Variants in EPC2 observed in about 807,000 individuals in gnomAD.
EPC2 encodes the protein enhancer of polycomb homolog 2.
In EPC2, 14 loss-of-function variants were observed where a neutral mutation model predicts 92.1. That is an observed-to-expected ratio of 0.15 (90% CI 0.10 to 0.24). The LOEUF is 0.24. Among genes scored for constraint, EPC2 ranks in the 10% least tolerant of loss-of-function variants. The pLI is 1.00. For synonymous variants in EPC2, 340 were observed against 334.7 expected, an observed-to-expected ratio of 1.02 and a Z score of -0.17; for missense variants, 755 against 971.5, an observed-to-expected ratio of 0.78 and a Z score of 2.96.
At chr2:148,781,828 T>G (rs765487982) in intron 11 of EPC2, 48 bp downstream of exon 11, 1 of 1,606,146 alleles carries the variant, frequency 6.2e-7, no homozygotes, top group African/African-American at 1.3e-5. Context: ...TTCATCATTA[T>G]GTAGTTTTAT....
chr2:148,645,261 C>A, intron 1 of EPC2, 91 bp downstream of exon 1: 1 of 1,132,280 alleles, frequency 8.8e-7, no homozygotes, highest in South Asian at 1.6e-5. Context: ...GCTTTACGCT[C>A]GCTGGAGGGC....
At chr2:148,701,261 T>C (rs1681881431) in intron 2 of EPC2, among the ~76,000 whole-genome samples, 1 of 152,214 alleles carries the variant, frequency 6.6e-6, no homozygotes, top group Non-Finnish European at 1.5e-5. Context: ...TTTCCTTTTC[T>C]TGTCTTATTG....
chr2:148,752,026 G>A (rs1683090273), intron 3 of EPC2, among the ~76,000 whole-genome samples: 1 of 152,138 alleles, frequency 6.6e-6, no homozygotes, highest in African/African-American at 2.4e-5. Context: ...GTAAGCTGGA[G>A]CAAGAAGCAC....
intron 1 of EPC2, among the ~76,000 whole-genome samples, chr2:148,663,110 C>G (rs1053263240): frequency 4.6e-5 from 7 of 151,004 alleles, no homozygotes; most frequent in Admixed American, 4.6e-4. Flanking sequence ...GCAGCACACT[C>G]TTGTGGGAAA....
chr2:148,771,204 C>T lies in EPC2; in HGVS notation c.1537C>T (p.Leu513Phe). 2 of 1,613,950 alleles carry T rather than the reference C, an allele frequency of 1.2e-6. No homozygotes were observed. The highest frequency in any genetic ancestry group is 1.7e-6 in the Non-Finnish European group (2 of 1,179,876). ...SSKHCENRLS[L>F]SEILSNIRSC... ...TAAACATTGTGAAAATAGACTGTCTCTTTCTGAAATATTAAGCAATATCAG... is the reference window on the plus strand; with the variant it reads ...TAAACATTGTGAAAATAGACTGTCTTTTTCTGAAATATTAAGCAATATCAG... Residue 513 changes from leucine to phenylalanine, a missense_variant, in exon 10 of 14, where the codon CTT becomes TTT. Physicochemically the swap from Leu to Phe is conservative, Grantham distance 22 (BLOSUM62 0). Around this residue, in one of 4 missense-constraint regions of EPC2, gnomAD observed 509 missense variants for 607.7 expected, o/e 0.84. Transcript: ENST00000258484.
At chr2:148,779,978 C>T (rs1343395410) in intron 10 of EPC2, among the ~76,000 whole-genome samples, 3 of 152,054 alleles carry the variant, frequency 2.0e-5, no homozygotes, top group South Asian at 2.1e-4. Flanking sequence ...CATCTCTTTC[C>T]CCAAGGTTTT....
chr2:148,676,494 G>T (rs1375998156), intron 1 of EPC2, among the ~76,000 whole-genome samples: 1 of 151,832 alleles, frequency 6.6e-6, no homozygotes, highest in Non-Finnish European at 1.5e-5. Context: ...TACTACAGAA[G>T]ATTTAGAAAA....
Position 148,771,286 on chromosome 2 carries a change from G to C in EPC2, c.1619G>C (p.Ser540Thr). Reference protein sequence around the residue: ...PRLLNLQDSDSEECTSRKPGQ... With the variant: ...PRLLNLQDSDTEECTSRKPGQ... ...CTACTAAATTTACAGGACAGTGATA[G>C]TGAAGAATGTACCTCAAGAAAACCA... The change falls in exon 10 of 14, where the codon AGT (serine) becomes ACT (threonine). Residue 540 changes from serine (S) to threonine (T), a missense_variant. Around this residue, in one of 4 missense-constraint regions of EPC2, gnomAD observed 509 missense variants for 607.7 expected, o/e 0.84. Coordinates refer to ENST00000258484, the MANE Select transcript of EPC2 (RefSeq NM_015630.4). 3.1e-6 allele frequency: 5 copies of C among 1,613,968 alleles called. No individual in the cohort carries two copies. Among genetic ancestry groups the C allele is most frequent in the Non-Finnish European group, 4.2e-6 (5 of 1,179,882 alleles).
At chr2:148,675,921 C>G (rs1421925672) in intron 1 of EPC2, among the ~76,000 whole-genome samples, 2 of 152,066 alleles carry the variant, frequency 1.3e-5, no homozygotes, top group Non-Finnish European at 2.9e-5. Flanking sequence ...TGGATAAATC[C>G]TGAAAGCCAG....
At chr2:148,749,693 G>T (rs1683050260) in intron 3 of EPC2, among the ~76,000 whole-genome samples, 1 of 151,908 alleles carries the variant, frequency 6.6e-6, no homozygotes, top group South Asian at 2.1e-4. Flanking sequence ...TCTTTACTAT[G>T]ATGTTAAAGT....
At chr2:148,747,239 C>G (rs1683002379) in intron 3 of EPC2, among the ~76,000 whole-genome samples, 1 of 152,044 alleles carries the variant, frequency 6.6e-6, no homozygotes. Context: ...CTGCCCAAAA[C>G]AGAACTCTCC....
At chr2:148,691,720 G>A (rs1262035732) in intron 2 of EPC2, 11 of 1,109,504 alleles carry the variant, frequency 9.9e-6, no homozygotes, top group Non-Finnish European at 1.5e-5. Context: ...AATTTAGGCT[G>A]CAGATCTGCT....
chr2:148,712,244 G>GGTGT (rs760099746), intron 2 of EPC2, among the ~76,000 whole-genome samples: 1 of 149,436 alleles, frequency 6.7e-6, no homozygotes, highest in Non-Finnish European at 1.5e-5. Flanking sequence ...TGTGTGTGGG[G>GGTGT]GTGTGTGTGT....
intron 10 of EPC2, among the ~76,000 whole-genome samples, chr2:148,771,747 A>G (rs1222854754): frequency 6.6e-6 from 1 of 151,716 alleles, no homozygotes; most frequent in Non-Finnish European, 1.5e-5. Flanking sequence ...GCTCCTTGAG[A>G]GTACCTTTGA....
intron 2 of EPC2, among the ~76,000 whole-genome samples, chr2:148,707,041 G>C (rs1682016158): frequency 6.6e-6 from 1 of 152,140 alleles, no homozygotes; most frequent in African/African-American, 2.4e-5. Flanking sequence ...CCAATTAAAA[G>C]ACACAGACTG....
chr2:148,785,996 G>A (rs1451188769), intron 13 of EPC2, among the ~76,000 whole-genome samples: 4 of 151,478 alleles, frequency 2.6e-5, no homozygotes, highest in Non-Finnish European at 4.4e-5. Flanking sequence ...AAAAAAAAAA[G>A]AAAAACTTGG....
At chr2:148,761,472 A>G (rs181845911) in intron 4 of EPC2, among the ~76,000 whole-genome samples, 189 of 152,320 alleles carry the variant, frequency 1.2e-3, no homozygotes, top group Non-Finnish European at 2.3e-3. Context: ...TGAATGGACT[A>G]CATTTTCTGA....
chr2:148,754,236 G>C, intron 4 of EPC2, 103 bp downstream of exon 4: 1 of 895,130 alleles, frequency 1.1e-6, no homozygotes, highest in Admixed American at 2.9e-5. Context: ...GGTAGCTAAT[G>C]GCATTGATGA....
At chr2:148,774,290 T>C (rs538043681) in intron 10 of EPC2, among the ~76,000 whole-genome samples, 1 of 152,332 alleles carries the variant, frequency 6.6e-6, no homozygotes, top group South Asian at 2.1e-4. Context: ...GTTGTTAATA[T>C]AAACCCTGAT....
Sources: allele counts gnomAD v4.1 joint callset (sites outside exome capture counted in the v4.1 genomes callset), GRCh38; gene constraint gnomAD v4.1.1; regional missense constraint gnomAD v4.1.1; transcripts MANE v1.5; gene names NCBI Gene and HGNC (gene_info 2026-07-23, HGNC 2026-07-21).